Variants in PIK3CA observed in about 807,000 individuals in gnomAD.
The protein encoded by PIK3CA is phosphatidylinositol 4,5-bisphosphate 3-kinase catalytic subunit alpha isoform.
A neutral mutation model predicts 138.2 loss-of-function variants in PIK3CA; 27 were observed. That is an observed-to-expected ratio of 0.20 (90% confidence interval 0.14 to 0.27). The LOEUF is 0.27. PIK3CA is among the 10% of genes least tolerant of loss of function. The pLI, the probability that PIK3CA is intolerant of heterozygous loss-of-function variation, is 1.00. For synonymous variants in PIK3CA, 358 were observed against 413.2 expected, an observed-to-expected ratio of 0.87 and a Z score of 1.62; for missense variants, 544 against 1,277.4, an observed-to-expected ratio of 0.43 and a Z score of 8.75.
At chr3:179,193,604 A>G (rs79451564) in intron 1 of PIK3CA, among the ~76,000 whole-genome samples, 6,321 of 152,374 alleles carry the variant, frequency 0.041, 144 homozygotes, top group Non-Finnish European at 0.047. Flanking sequence ...AATGAGGACT[A>G]TAATTCATCA....
At chr3:179,180,925 T>C (rs754180152) in intron 1 of PIK3CA, among the ~76,000 whole-genome samples, 5 of 152,188 alleles carry the variant, frequency 3.3e-5, no homozygotes, top group Non-Finnish European at 7.4e-5. Flanking sequence ...TGGATATACA[T>C]ATCCATGTTT....
At chr3:179,180,244 A>G (rs544755230) in intron 1 of PIK3CA, among the ~76,000 whole-genome samples, 2 of 152,220 alleles carry the variant, frequency 1.3e-5, no homozygotes, top group South Asian at 4.2e-4. Flanking sequence ...CTTAGTTCAT[A>G]CTGTCTACTT....
intron 1 of PIK3CA, among the ~76,000 whole-genome samples, chr3:179,165,865 G>A (rs1379845923): frequency 1.3e-5 from 2 of 152,026 alleles, no homozygotes; most frequent in Non-Finnish European, 2.9e-5. Context: ...GTAACATGTT[G>A]ATCTTGGTAC....
intron 1 of PIK3CA, among the ~76,000 whole-genome samples, chr3:179,175,470 C>G (rs928337611): frequency 2.2e-4 from 33 of 152,026 alleles, no homozygotes; most frequent in African/African-American, 7.7e-4. Flanking sequence ...ATCTGTTGTG[C>G]TGTGTACTCC....
chr3:179,189,521 A>G (rs1724074570), intron 1 of PIK3CA, among the ~76,000 whole-genome samples: 1 of 152,114 alleles, frequency 6.6e-6, no homozygotes, highest in Non-Finnish European at 1.5e-5. Flanking sequence ...CCTTGGTCAC[A>G]TTTACTGATA....
chr3:179,204,103 C>A (rs960666029), intron 5 of PIK3CA, among the ~76,000 whole-genome samples: 1 of 152,140 alleles, frequency 6.6e-6, no homozygotes, highest in African/African-American at 2.4e-5. Context: ...TCTTTATTAA[C>A]CCCACTTAGT....
intron 1 of PIK3CA, among the ~76,000 whole-genome samples, chr3:179,162,779 A>T (rs967291970): frequency 4.6e-5 from 7 of 152,180 alleles, no homozygotes; most frequent in African/African-American, 1.7e-4. Context: ...AAGGAATATC[A>T]TGTTTCTGAA....
intron 10 of PIK3CA, 119 bp downstream of exon 10, chr3:179,218,453 C>T (rs1724893369): frequency 1.4e-6 from 1 of 733,352 alleles, no homozygotes; most frequent in Non-Finnish European, 2.1e-6. Context: ...GCAGAATTTA[C>T]ATGATTTTTA....
In PIK3CA at chr3:179,199,269, C is replaced by T. The variant is rs1014437459; in HGVS notation, c.352+92C>T. 6.7e-6 allele frequency: 5 copies of T among 741,276 alleles called. No homozygotes were observed. The Admixed American group carries it at 9.1e-5, about 13-fold the overall frequency. 45.9% of individuals were successfully genotyped at this position (741,276 alleles called of 1,614,324 possible). A position where few individuals can be genotyped will look rare whatever the true frequency, so the allele number is the denominator to read the frequency against. The stretch of plus-strand genomic sequence containing the variant: ...ATATTTCTGTCTAAACCAATACCTT[C>T]GTAATCTTAAATAGCTTTCTAAATA... On this transcript the variant is annotated intron_variant, in intron 2 of 20. Coordinates refer to ENST00000263967, the MANE Select transcript of PIK3CA (RefSeq NM_006218.4).
chr3:179,209,651 G>A lies in PIK3CA; in HGVS notation c.1202G>A (p.Arg401Gln), dbSNP rs1724657372. ...IYIPDLPRAA[R>Q]LCLSICSVKG... ...ATTCCTGATCTTCCTCGTGCTGCTC[G>A]ACTTTGCCTTTCCATTTGCTCTGTT... The change falls in exon 7 of 21, where the codon CGA (arginine) becomes CAA (glutamine). Residue 401 changes from arginine (R) to glutamine (Q), a missense_variant. Physicochemically the swap from Arg to Gln is conservative, Grantham distance 43 (BLOSUM62 1). Coordinates refer to ENST00000263967, the MANE Select transcript of PIK3CA (RefSeq NM_006218.4). The A allele has an allele frequency of 2.5e-6, 4 of 1,612,418 alleles. No individual in the cohort carries two copies. Among genetic ancestry groups the A allele is most frequent in the South Asian group, 1.1e-5 (1 of 90,874 alleles).
chr3:179,223,399 T>C (rs1201908503), intron 14 of PIK3CA, among the ~76,000 whole-genome samples: 2 of 152,162 alleles, frequency 1.3e-5, no homozygotes, highest in African/African-American at 2.4e-5. Context: ...TTGAATTGAT[T>C]AAAAAGGGAT....
rs1725388089 is a variant in PIK3CA at position 179,239,093 on chromosome 3, G to T, written c.*4729G>T. 4.6e-6 allele frequency: 1 copy of T among 216,046 alleles called. No homozygotes were observed. Among genetic ancestry groups the T allele is most frequent in the Admixed American group, 5.8e-5 (1 of 17,128 alleles). The allele number at this position is 216,046 out of a possible 1,614,324, so 13.4% of individuals were successfully genotyped here. Reference sequence around the variant, plus strand: ...TACACAACTACATATAAGAGTTTTAGTGGAGGAAAAAAATTAGTCCCTTGT... The same window carrying T: ...TACACAACTACATATAAGAGTTTTATTGGAGGAAAAAAATTAGTCCCTTGT... On this transcript the variant is annotated 3_prime_UTR_variant, in exon 21 of 21. Transcript: ENST00000263967.
chr3:179,154,523 C>A (rs936049165), intron 1 of PIK3CA, among the ~76,000 whole-genome samples: 2 of 152,116 alleles, frequency 1.3e-5, no homozygotes, highest in African/African-American at 4.8e-5. Context: ...TCCCTGGTGC[C>A]AAAAAAGTTG....
chr3:179,177,310 TTC>T (rs1723721652), intron 1 of PIK3CA, among the ~76,000 whole-genome samples: 2 of 115,480 alleles, frequency 1.7e-5, no homozygotes, highest in African/African-American at 6.8e-5. Context: ...ATATTCTCTT[TTC>T]TTTTTTTTTT....
intron 20 of PIK3CA, among the ~76,000 whole-genome samples, chr3:179,232,459 G>A (rs893097438): frequency 6.6e-6 from 1 of 152,048 alleles, no homozygotes; most frequent in Admixed American, 6.5e-5. Flanking sequence ...TGTTCCATTG[G>A]TCTGTGTGTC....
intron 1 of PIK3CA, among the ~76,000 whole-genome samples, chr3:179,195,474 A>G (rs1255954316): frequency 3.9e-5 from 6 of 152,176 alleles, no homozygotes; most frequent in Non-Finnish European, 8.8e-5. Context: ...AGTGAAGTAG[A>G]TGCCATTATT....
chr3:179,156,751 G>A (rs1280333046), intron 1 of PIK3CA, among the ~76,000 whole-genome samples: 1 of 152,130 alleles, frequency 6.6e-6, no homozygotes, highest in African/African-American at 2.4e-5. Context: ...TTTTGAGGAT[G>A]TACTCATTTT....
chr3:179,154,349 A>G (rs961325601), intron 1 of PIK3CA, among the ~76,000 whole-genome samples: 4 of 152,064 alleles, frequency 2.6e-5, no homozygotes, highest in Non-Finnish European at 4.4e-5. Context: ...CTAGATTCTC[A>G]TAGAAGGACC....
chr3:179,157,823 A>G (rs1304246792), intron 1 of PIK3CA, among the ~76,000 whole-genome samples: 1 of 152,142 alleles, frequency 6.6e-6, no homozygotes, highest in Non-Finnish European at 1.5e-5. Flanking sequence ...TATCGAGATT[A>G]CTAGTTTTGT....
Sources: allele counts gnomAD v4.1 joint callset (sites outside exome capture counted in the v4.1 genomes callset), GRCh38; gene constraint gnomAD v4.1.1; transcripts MANE v1.5; gene names NCBI Gene and HGNC (gene_info 2026-07-23, HGNC 2026-07-21).